Variants in TRPM6 observed in about 807,000 individuals in gnomAD.
TRPM6 encodes transient receptor potential cation channel subfamily M member 6, also known as channel kinase 2.
TRPM6 carries 111 observed loss-of-function variants against 247.6 expected under a neutral mutation model. The ratio of observed to expected loss-of-function variants is 0.45; its 90% CI spans 0.38 to 0.52. The LOEUF (loss-of-function observed/expected upper bound fraction) is 0.52. TRPM6 is among the 20% of genes least tolerant of loss of function. The probability of loss-of-function intolerance (pLI) is 0.00; values close to 1 mark genes in which losing one functional copy is unlikely to be tolerated. For synonymous variants in TRPM6, 892 were observed against 853.8 expected (o/e 1.04, Z -0.78); for missense variants, 2,126 against 2,421.5 (o/e 0.88, Z 2.56).
intron 5 of TRPM6, 148 bp downstream of exon 5, chr9:74,839,876 A>AGGAAGGAAGGAC: frequency 3.2e-6 from 1 of 313,504 alleles, no homozygotes; most frequent in Non-Finnish European, 5.2e-6. Context: ...GAAGGAAGGA[A>AGGAAGGAAGGAC]GGAAGGAAGG....
chr9:74,851,406 A>G (rs927702124), intron 3 of TRPM6, among the ~76,000 whole-genome samples: 6 of 152,164 alleles, frequency 3.9e-5, no homozygotes, highest in African/African-American at 1.4e-4. Context: ...AAAAAAAATC[A>G]AAATCTCAAA....
intron 20 of TRPM6, among the ~76,000 whole-genome samples, chr9:74,788,251 C>G (rs1338686252): frequency 6.6e-6 from 1 of 152,034 alleles, no homozygotes; most frequent in African/African-American, 2.4e-5. Context: ...CAAAAATCAA[C>G]CCCACCAAAC....
In TRPM6 at chr9:74,741,242, T is replaced by C. The variant is rs531712168; in HGVS notation, c.5201-1233A>G. Among the ~76,000 whole-genome samples the C allele has an allele frequency of 3.9e-5, 6 of 152,230 alleles. No individual in the cohort carries two copies. In the South Asian group the frequency reaches 1.2e-3, roughly 32 times the overall value. On this transcript the variant is annotated intron_variant, in intron 33 of 38. Transcript: ENST00000360774. The stretch of plus-strand genomic sequence containing the variant: ...TACCAAGTCAGTGTTTAATGTTTCT[T>C]AACAGAGCAACATAATCTATATACA...
intron 21 of TRPM6, among the ~76,000 whole-genome samples, chr9:74,783,848 T>A (rs534122330): frequency 8.9e-4 from 136 of 152,184 alleles, no homozygotes; most frequent in African/African-American, 2.8e-3. Flanking sequence ...TACCCTTCAA[T>A]CTCCAGAACT....
In TRPM6 at chr9:74,761,960, A is replaced by G. The variant is rs1021838638; in HGVS notation, c.4672+39T>C. The G allele has an allele frequency of 1.9e-6, 3 of 1,600,274 alleles. No homozygotes were observed. In the African/African-American group the frequency reaches 4.0e-5, roughly 21 times the overall value. ...ACAAAACAAAACCAGTAGCAATGCA[A>G]AGGACTTAATGCTGATATTTTAAAT... On this transcript the variant is annotated intron_variant, in intron 26 of 38. Coordinates refer to ENST00000360774, the MANE Select transcript of TRPM6 (RefSeq NM_017662.5).
chr9:74,849,246 G>T (rs933675093), intron 3 of TRPM6, among the ~76,000 whole-genome samples: 2 of 151,462 alleles, frequency 1.3e-5, no homozygotes, highest in African/African-American at 2.4e-5. Flanking sequence ...AGCTACTCGG[G>T]AGGCTAACAC....
intron 14 of TRPM6, chr9:74,804,476 C>T: frequency 1.5e-6 from 1 of 654,792 alleles, no homozygotes; most frequent in Admixed American, 2.3e-5. Flanking sequence ...AAACCATAAG[C>T]TTGCCTGATC....
In TRPM6 at chr9:74,817,516, C is replaced by T. The variant is rs536749276; in HGVS notation, c.1135-552G>A. ...ACTTGCTTTTTTACGAGAAATGAAT[C>T]CTCAAGGGTTTGTCATAAAATAACT... On this transcript the variant is annotated intron_variant, in intron 9 of 38. Coordinates refer to ENST00000360774, the MANE Select transcript of TRPM6 (RefSeq NM_017662.5). 3.9e-5 allele frequency among the ~76,000 whole-genome samples: 6 copies of T among 152,226 alleles called. No homozygotes were observed. In the East Asian group the frequency reaches 1.2e-3, roughly 29 times the overall value.
At chr9:74,796,571 C>G (rs1026330004) in intron 18 of TRPM6, among the ~76,000 whole-genome samples, 170 bp downstream of exon 18, 1 of 152,256 alleles carries the variant, frequency 6.6e-6, no homozygotes, top group South Asian at 2.1e-4. Flanking sequence ...CTTGATTGGT[C>G]AGAGGCATTT....
chr9:74,824,135 G>A lies in TRPM6; in HGVS notation c.842-2298C>T, dbSNP rs12343362. ...TGGGCATTTTTGTGGAAGAGGAAGAGAATTCAATTTCTGTTAGGTACACTT... is the reference window on the plus strand; with the variant it reads ...TGGGCATTTTTGTGGAAGAGGAAGAAAATTCAATTTCTGTTAGGTACACTT... On this transcript the variant is annotated intron_variant, in intron 7 of 38. Transcript: ENST00000360774. Among the ~76,000 whole-genome samples the A allele has an allele frequency of 7.2e-3, 1,082 of 150,752 alleles. 18 individuals carry two copies. The highest frequency in any genetic ancestry group is 0.025 in the African/African-American group (1,021 of 40,800).
intron 13 of TRPM6, among the ~76,000 whole-genome samples, chr9:74,808,792 T>C (rs913483381): frequency 2.6e-5 from 4 of 152,226 alleles, no homozygotes; most frequent in African/African-American, 2.4e-5. Context: ...ACAAGGAATA[T>C]AGAATGACAA....
Position 74,722,613 on chromosome 9 carries a change from G to T in TRPM6, c.*2000C>A, listed in dbSNP as rs1332827770. 1 of 152,164 alleles carries T rather than the reference G, an allele frequency of 6.6e-6. No homozygotes were observed. The highest frequency in any genetic ancestry group is 1.5e-5 in the Non-Finnish European group (1 of 68,036). The allele number at this position is 152,164 out of a possible 1,614,324, so 9.4% of individuals were successfully genotyped here. On this transcript the variant is annotated 3_prime_UTR_variant, in exon 39 of 39. Coordinates refer to ENST00000360774, the MANE Select transcript of TRPM6 (RefSeq NM_017662.5). ...CAAGCAAACTCTGCCTCTTTCCATA[G>T]TTGAGTGCAGCACTGAGGTGAGTAC...
chr9:74,797,714 A>G (rs1010187552), intron 17 of TRPM6, among the ~76,000 whole-genome samples: 1 of 152,134 alleles, frequency 6.6e-6, no homozygotes, highest in Non-Finnish European at 1.5e-5. Context: ...ATAAATATGT[A>G]TTTAAACGTT....
intron 23 of TRPM6, among the ~76,000 whole-genome samples, chr9:74,780,419 A>C (rs1275010901): frequency 4.6e-5 from 7 of 151,104 alleles, no homozygotes; most frequent in Admixed American, 2.6e-4. Flanking sequence ...GTGCCATTGC[A>C]CTCTAGCCTG....
chr9:74,843,915 T>C (rs886741651), intron 3 of TRPM6, among the ~76,000 whole-genome samples: 19 of 152,062 alleles, frequency 1.2e-4, no homozygotes, highest in African/African-American at 4.1e-4. Flanking sequence ...GAAAACAACA[T>C]TCATCTCCTT....
chr9:74,781,921 G>A (rs1827474782), intron 23 of TRPM6, among the ~76,000 whole-genome samples: 1 of 152,206 alleles, frequency 6.6e-6, no homozygotes, highest in African/African-American at 2.4e-5. Flanking sequence ...TGTCTGTGCT[G>A]AACATGCAGA....
At chr9:74,857,647 A>G (rs1326653476) in intron 2 of TRPM6, 1 of 152,188 alleles carries the variant, frequency 6.6e-6, no homozygotes, top group Non-Finnish European at 1.5e-5. Context: ...TCTGCTACCG[A>G]TTATCTGCTC....
At chr9:74,800,110 TC>T in intron 17 of TRPM6, 143 bp downstream of exon 17, 1 of 750,414 alleles carries the variant, frequency 1.3e-6, no homozygotes, top group South Asian at 1.6e-5. Context: ...GTAGCTGCAG[TC>T]CCCTGCTAGA....
intron 37 of TRPM6, among the ~76,000 whole-genome samples, chr9:74,730,247 G>A (rs1348234726): frequency 1.3e-5 from 2 of 152,110 alleles, no homozygotes; most frequent in South Asian, 2.1e-4. Flanking sequence ...TCTCATCATC[G>A]TTTCATACTT....
Sources: gnomAD v4.1 joint callset for allele counts (sites outside exome capture counted in the v4.1 genomes callset) on GRCh38, gnomAD v4.1.1 for gene constraint, MANE v1.5 for transcripts, NCBI Gene and HGNC (gene_info 2026-07-23, HGNC 2026-07-21) for gene names.